Variants in ABRAXAS2 observed in about 807,000 individuals in gnomAD.
ABRAXAS2 encodes abraxas 2, BRISC complex subunit.
Under a neutral mutation model 49.0 loss-of-function variants are expected in ABRAXAS2, and 23 were observed. That is an observed-to-expected ratio of 0.47 (90% CI 0.34 to 0.66). The LOEUF is 0.66. Ranked by LOEUF, ABRAXAS2 falls within the 30% of genes least tolerant of loss-of-function variation. ABRAXAS2 has a pLI of 0.01. For missense variants in ABRAXAS2, 443 were observed against 511.9 expected (o/e 0.87, Z 1.30); for synonymous variants, 168 against 180.2 (o/e 0.93, Z 0.54).
chr10:124,826,822 A>G (rs765810083), intron 5 of ABRAXAS2, 37 bp downstream of exon 5: 2 of 1,603,846 alleles, frequency 1.2e-6, no homozygotes, highest in South Asian at 2.2e-5. Context: ...ACATATAAGA[A>G]GGACGTTGGG....
intron 5 of ABRAXAS2, among the ~76,000 whole-genome samples, 159 bp downstream of exon 5, chr10:124,826,944 A>T (rs1361542047): frequency 6.8e-6 from 1 of 146,426 alleles, no homozygotes; most frequent in Non-Finnish European, 1.5e-5. Context: ...AAATTCAAAA[A>T]TTAGCTGGGT....
At position 124,801,943 on chromosome 10, in the gene ABRAXAS2, GC is replaced by G. The variant is rs766328832; in HGVS notation, c.72+44del. The stretch of plus-strand genomic sequence containing the variant: ...CTGCCGCGCCCGCTGGGGGCTTTCA[GC>G]CTCTGTCTCAGGCCGGCGCTCGCGG... On this transcript the variant is annotated intron_variant, in intron 1 of 8. Transcript: ENST00000298492. 3.8e-5 allele frequency: 61 copies of G among 1,599,434 alleles called. No individual in the cohort carries two copies. In the East Asian group the frequency reaches 1.3e-3, roughly 34 times the overall value.
intron 4 of ABRAXAS2, among the ~76,000 whole-genome samples, chr10:124,823,397 A>G (rs958296080): frequency 1.2e-4 from 18 of 152,246 alleles, no homozygotes; most frequent in African/African-American, 4.3e-4. Context: ...CAGTTTGGTC[A>G]CAGGCTGAAT....
intron 2 of ABRAXAS2, among the ~76,000 whole-genome samples, chr10:124,813,974 G>A (rs571013342): frequency 2.0e-5 from 3 of 151,980 alleles, no homozygotes; most frequent in Non-Finnish European, 4.4e-5. Flanking sequence ...ACTTATGATG[G>A]TATACTTTAT....
At chr10:124,819,729 G>A (rs1196995684) in intron 4 of ABRAXAS2, among the ~76,000 whole-genome samples, 1 of 150,790 alleles carries the variant, frequency 6.6e-6, no homozygotes, top group East Asian at 2.0e-4. Flanking sequence ...AGCCAAGATT[G>A]CACCACTGCA....
Position 124,826,918 on chromosome 10 carries a change from C to A in ABRAXAS2, c.458+133C>A, listed in dbSNP as rs888378367. 7.1e-6 allele frequency: 6 copies of A among 845,102 alleles called. No homozygotes were observed. The African/African-American group carries it at 1.0e-4, about 14-fold the overall frequency. The allele number at this position is 845,102 out of a possible 1,614,324, so 52.4% of individuals were successfully genotyped here. On this transcript the variant is annotated intron_variant, in intron 5 of 8. Transcript: ENST00000298492. Reference sequence around the variant, plus strand: ...CATGAGGTCAAGAGATTGAGACCATCCTGGCCAACATGGTGAAATTCAAAA... The same window carrying A: ...CATGAGGTCAAGAGATTGAGACCATACTGGCCAACATGGTGAAATTCAAAA...
chr10:124,824,534 C>CAAA (rs531680713), intron 4 of ABRAXAS2, among the ~76,000 whole-genome samples: 68 of 78,186 alleles, frequency 8.7e-4, no homozygotes, highest in African/African-American at 2.6e-3. Context: ...TCTCAAAAAC[C>CAAA]AAAAAAAAAA....
At chr10:124,824,534 C>CAAAA (rs531680713) in intron 4 of ABRAXAS2, among the ~76,000 whole-genome samples, 1 of 78,198 alleles carries the variant, frequency 1.3e-5, no homozygotes, top group Non-Finnish European at 3.1e-5. Flanking sequence ...TCTCAAAAAC[C>CAAAA]AAAAAAAAAA....
intron 4 of ABRAXAS2, among the ~76,000 whole-genome samples, chr10:124,824,721 G>C (rs967198686): frequency 6.6e-6 from 1 of 152,152 alleles, no homozygotes; most frequent in African/African-American, 2.4e-5. Context: ...GGAAGGCAGG[G>C]GAAGTGCAGG....
chr10:124,827,180 G>GACAGT (rs1466351531), intron 5 of ABRAXAS2, among the ~76,000 whole-genome samples: 1 of 136,586 alleles, frequency 7.3e-6, no homozygotes, highest in African/African-American at 2.9e-5. Flanking sequence ...TTTTTTTTGA[G>GACAGT]ACAGAGTCCA....
At chr10:124,826,435 G>A (rs1434013830) in intron 4 of ABRAXAS2, among the ~76,000 whole-genome samples, 160 bp from the exon 5 acceptor site, 1 of 152,172 alleles carries the variant, frequency 6.6e-6, no homozygotes, top group African/African-American at 2.4e-5. Flanking sequence ...CTGAAGCACA[G>A]TCTGTTTATC....
At chr10:124,830,776 AT>A (rs1950928049) in intron 7 of ABRAXAS2, among the ~76,000 whole-genome samples, 1 of 152,212 alleles carries the variant, frequency 6.6e-6, no homozygotes, top group Admixed American at 6.5e-5. Context: ...TGGCTGTTAT[AT>A]TTCATTGTTG....
chr10:124,833,945 T>G (rs1950951232), intron 8 of ABRAXAS2, among the ~76,000 whole-genome samples: 1 of 152,150 alleles, frequency 6.6e-6, no homozygotes. Flanking sequence ...TATAAAGGCG[T>G]ATAAGTGTAT....
intron 4 of ABRAXAS2, among the ~76,000 whole-genome samples, chr10:124,822,788 A>G (rs1589807727): frequency 6.9e-6 from 1 of 145,274 alleles, no homozygotes; most frequent in Admixed American, 6.8e-5. Context: ...CAAGACTCCA[A>G]CTCAAAAAAA....
At chr10:124,826,504 T>G in intron 4 of ABRAXAS2, 91 bp from the exon 5 acceptor site, 1 of 1,287,188 alleles carries the variant, frequency 7.8e-7, no homozygotes, top group Non-Finnish European at 1.1e-6. Context: ...CACATAAAGC[T>G]ACTATGAACA....
At chr10:124,812,718 T>A (rs1156822540) in intron 2 of ABRAXAS2, among the ~76,000 whole-genome samples, 1 of 152,064 alleles carries the variant, frequency 6.6e-6, no homozygotes, top group Non-Finnish European at 1.5e-5. Flanking sequence ...AAGTCAAACA[T>A]TAGGAAAAGT....
At chr10:124,815,179 C>A (rs892238748) in intron 2 of ABRAXAS2, 2 of 151,898 alleles carry the variant, frequency 1.3e-5, no homozygotes, top group East Asian at 1.9e-4. Context: ...GTCCCATGTC[C>A]TTGAAGGCTA....
chr10:124,801,998 C>A, intron 1 of ABRAXAS2, 97 bp downstream of exon 1: 2 of 1,291,006 alleles, frequency 1.5e-6, no homozygotes, highest in Non-Finnish European at 2.2e-6. Context: ...CGGCTCGCCC[C>A]CTGGGCACCA....
Position 124,834,854 on chromosome 10 carries a change from T to G in ABRAXAS2, c.1131T>G (p.Tyr377Ter). Residue 377 changes from tyrosine (Y) to a stop codon, truncating the protein, a stop_gained, in exon 9 of 9, where the codon TAT (tyrosine) becomes TAG (stop). Transcript: ENST00000298492. LOFTEE classifies it high-confidence loss of function. Reference sequence around the variant, plus strand: ...GTGAGGATTCAGACGACAGTGATTATGAAAATTTGATTGACCCTACAGAGC... The same window carrying G: ...GTGAGGATTCAGACGACAGTGATTAGGAAAATTTGATTGACCCTACAGAGC... Reference protein sequence around the residue: ...DSGEDSDDSDYENLIDPTEPS... With the variant: ...DSGEDSDDSD The G allele has an allele frequency of 6.2e-7, 1 of 1,614,108 alleles. No homozygotes were observed. Among genetic ancestry groups the G allele is most frequent in the Non-Finnish European group, 8.5e-7 (1 of 1,180,016 alleles).
Sources: gnomAD v4.1 joint callset for allele counts (sites outside exome capture counted in the v4.1 genomes callset) on GRCh38, gnomAD v4.1.1 for gene constraint, MANE v1.5 for transcripts, NCBI Gene and HGNC (gene_info 2026-07-23, HGNC 2026-07-21) for gene names.